Variants in ADAMTS16 observed in about 807,000 individuals in gnomAD.
ADAMTS16 encodes the protein ADAM metallopeptidase with thrombospondin type 1 motif 16.
A neutral mutation model predicts 145.8 loss-of-function variants in ADAMTS16; 94 were observed. That is an observed-to-expected ratio of 0.64 (90% confidence interval 0.55 to 0.77). The LOEUF (loss-of-function observed/expected upper bound fraction) is 0.77, where lower values mean the gene tolerates loss of function less well. ADAMTS16 is among the 30% of genes least tolerant of loss of function. ADAMTS16 has a pLI of 0.00. For synonymous variants in ADAMTS16, 659 were observed against 604.3 expected, an observed-to-expected ratio of 1.09 and a Z score of -1.33; for missense variants, 1,585 against 1,591.5, an observed-to-expected ratio of 1.00 and a Z score of 0.07.
At chr5:5,253,650 C>G (rs1737694494) in intron 17 of ADAMTS16, among the ~76,000 whole-genome samples, 1 of 152,112 alleles carries the variant, frequency 6.6e-6, no homozygotes, top group African/African-American at 2.4e-5. Context: ...GCTTGCGTTC[C>G]CACCCAGGGA....
At chr5:5,174,542 ATCTC>A (rs1178006042) in intron 3 of ADAMTS16, among the ~76,000 whole-genome samples, 1 of 151,880 alleles carries the variant, frequency 6.6e-6, no homozygotes, top group African/African-American at 2.4e-5. Context: ...TAAACTTTCC[ATCTC>A]TCTCTCTGCC....
intron 11 of ADAMTS16, among the ~76,000 whole-genome samples, chr5:5,228,244 G>A (rs183250490): frequency 1.3e-5 from 2 of 152,130 alleles, no homozygotes; most frequent in African/African-American, 2.4e-5. Context: ...GTATTAGACT[G>A]TACATTCCAA....
chr5:5,289,297 T>A (rs188668903), intron 18 of ADAMTS16, among the ~76,000 whole-genome samples: 131 of 152,368 alleles, frequency 8.6e-4, no homozygotes, highest in African/African-American at 2.7e-3. Flanking sequence ...ATACACTACA[T>A]GTAAGGTGCG....
Position 5,239,907 on chromosome 5 carries a change from C to A in ADAMTS16, c.2505C>A (p.Asn835Lys), listed in dbSNP as rs200262904. 6.2e-7 allele frequency: 1 copy of A among 1,613,898 alleles called. No individual in the cohort carries two copies. Among genetic ancestry groups the A allele is most frequent in the African/African-American group, 1.3e-5 (1 of 74,994 alleles). The stretch of plus-strand genomic sequence containing the variant: ...ACTTAATCGCTACTGGACCAACCAA[C>A]GAGACACTGATTGTGGAGGTAAAGT... ...PENLIATGPTNETLIVELLFQ... is the reference protein window; with the variant it reads ...PENLIATGPTKETLIVELLFQ... The change falls in exon 16 of 23, where the codon AAC becomes AAA. Residue 835 changes from asparagine (N) to lysine (K), a missense_variant. Coordinates refer to ENST00000274181, the MANE Select transcript of ADAMTS16 (RefSeq NM_139056.4).
rs922874092 is a variant in ADAMTS16, at chr5:5,143,015, G to A, written c.175+2249G>A. On this transcript the variant is annotated intron_variant, in intron 2 of 22. Coordinates refer to ENST00000274181, the MANE Select transcript of ADAMTS16 (RefSeq NM_139056.4). Reference sequence around the variant, plus strand: ...GCTGGCTAGCCATATGAAGAAAACCGAAACTGGACCCTTCCTTACACCTTA... The same window carrying A: ...GCTGGCTAGCCATATGAAGAAAACCAAAACTGGACCCTTCCTTACACCTTA... Among the ~76,000 whole-genome samples, 9 of 152,146 alleles carry A rather than the reference G, an allele frequency of 5.9e-5. No individual in the cohort carries two copies. In the East Asian group the frequency reaches 9.6e-4, roughly 16 times the overall value.
intron 3 of ADAMTS16, among the ~76,000 whole-genome samples, chr5:5,164,912 A>G (rs1214279453): frequency 6.6e-6 from 1 of 152,088 alleles, no homozygotes; most frequent in East Asian, 1.9e-4. Context: ...TCCTGACCTC[A>G]TGACCCACCC....
At chr5:5,156,044 C>G (rs752659211) in intron 3 of ADAMTS16, among the ~76,000 whole-genome samples, 1 of 152,154 alleles carries the variant, frequency 6.6e-6, no homozygotes, top group African/African-American at 2.4e-5. Context: ...GTAGACAGTC[C>G]GCAGGGGCTA....
At chr5:5,312,734 AG>A (rs1479245482) in intron 21 of ADAMTS16, among the ~76,000 whole-genome samples, 1 of 152,232 alleles carries the variant, frequency 6.6e-6, no homozygotes, top group Non-Finnish European at 1.5e-5. Flanking sequence ...CTGGGATTTC[AG>A]GCATGAGCCG....
At chr5:5,189,863 G>C (rs551757104) in intron 6 of ADAMTS16, 108 bp from the exon 7 acceptor site, 38 of 1,373,186 alleles carry the variant, frequency 2.8e-5, no homozygotes, top group South Asian at 3.8e-5. Flanking sequence ...TCCAGATCCA[G>C]CCATGTATTT....
At chr5:5,305,835 C>T (rs57251518) in intron 20 of ADAMTS16, among the ~76,000 whole-genome samples, 10,257 of 152,232 alleles carry the variant, frequency 0.067, 669 homozygotes, top group African/African-American at 0.17. Context: ...TCCCAGAGAC[C>T]CTCCGCGCCC....
chr5:5,304,339 G>A (rs1263614017), intron 20 of ADAMTS16, among the ~76,000 whole-genome samples: 1 of 152,092 alleles, frequency 6.6e-6, no homozygotes, highest in Non-Finnish European at 1.5e-5. Context: ...CTTCATCATG[G>A]GAATAACGTT....
At chr5:5,189,059 G>A (rs1427471783) in intron 6 of ADAMTS16, among the ~76,000 whole-genome samples, 1 of 152,132 alleles carries the variant, frequency 6.6e-6, no homozygotes, top group Non-Finnish European at 1.5e-5. Context: ...GGGTATATTT[G>A]ACTTTCTGTA....
intron 3 of ADAMTS16, among the ~76,000 whole-genome samples, chr5:5,155,924 C>G (rs16874884): frequency 0.22 from 33,780 of 151,970 alleles, 4,236 homozygotes; most frequent in Middle Eastern, 0.32. Context: ...ACAGGAGGTC[C>G]ACAGGGAACA....
intron 17 of ADAMTS16, among the ~76,000 whole-genome samples, chr5:5,243,673 T>C (rs1737359877): frequency 6.6e-6 from 1 of 152,234 alleles, no homozygotes; most frequent in Non-Finnish European, 1.5e-5. Context: ...AACTCTTTCT[T>C]GTACATTTTC....
chr5:5,263,638 GC>G (rs1416255116), intron 18 of ADAMTS16, among the ~76,000 whole-genome samples: 6 of 152,216 alleles, frequency 3.9e-5, no homozygotes, highest in Non-Finnish European at 8.8e-5. Context: ...GCCAGACCAG[GC>G]GTGTTGCCTG....
chr5:5,307,250 G>A (rs1346961222), intron 21 of ADAMTS16, among the ~76,000 whole-genome samples: 2 of 152,126 alleles, frequency 1.3e-5, no homozygotes, highest in African/African-American at 4.8e-5. Flanking sequence ...TTCTGCTTTC[G>A]GGTCGGGGTG....
intron 3 of ADAMTS16, among the ~76,000 whole-genome samples, chr5:5,162,710 A>G (rs949464881): frequency 1.3e-5 from 2 of 151,908 alleles, no homozygotes; most frequent in African/African-American, 4.8e-5. Context: ...TTGAGTGATG[A>G]AAGACCAGAG....
intron 17 of ADAMTS16, among the ~76,000 whole-genome samples, chr5:5,248,731 A>T (rs1254541559): frequency 6.6e-6 from 1 of 152,234 alleles, no homozygotes; most frequent in Non-Finnish European, 1.5e-5. Flanking sequence ...GCATCTGAAA[A>T]CATAATCATC....
rs751629162 is a variant in ADAMTS16 at position 5,306,743 on chromosome 5, C to A, written c.3411+15C>A. On this transcript the variant is annotated intron_variant, in intron 21 of 22. Transcript: ENST00000274181. ...CCTGGTCTCAGGTAGGGGAGGCCCT[C>A]GGTTCCTGGAGAGTGGGCGAGCACA... 6.3e-7 allele frequency: 1 copy of A among 1,587,838 alleles called. No individual in the cohort carries two copies. Among genetic ancestry groups the A allele is most frequent in the Non-Finnish European group, 8.6e-7 (1 of 1,166,004 alleles).
Sources: gnomAD v4.1 joint callset for allele counts (sites outside exome capture counted in the v4.1 genomes callset) on GRCh38, gnomAD v4.1.1 for gene constraint, MANE v1.5 for transcripts, NCBI Gene and HGNC (gene_info 2026-07-23, HGNC 2026-07-21) for gene names.